Variants in TRIM37 observed in about 807,000 individuals in gnomAD.
TRIM37 encodes E3 ubiquitin-protein ligase TRIM37.
Under a neutral mutation model 129.8 loss-of-function variants are expected in TRIM37, and 80 were observed. The ratio of observed to expected loss-of-function variants is 0.62; its 90% CI spans 0.51 to 0.74. The LOEUF (loss-of-function observed/expected upper bound fraction) is 0.74, where lower values mean the gene tolerates loss of function less well. TRIM37 is among the 30% of genes least tolerant of loss of function. The pLI is 0.00. For synonymous variants in TRIM37, 389 were observed against 387.1 expected, an observed-to-expected ratio of 1.00 and a Z score of -0.06; for missense variants, 1,054 against 1,176.5, an observed-to-expected ratio of 0.90 and a Z score of 1.52.
chr17:59,001,126 C>T (rs746016755), intron 23 of TRIM37, among the ~76,000 whole-genome samples: 2 of 146,254 alleles, frequency 1.4e-5, no homozygotes, highest in South Asian at 4.3e-4. Context: ...ACCCAGGAGG[C>T]GGAGGTTGCA....
chr17:59,017,321 C>T lies in TRIM37; in HGVS notation c.2361G>A (p.Lys787=), dbSNP rs1218976634. ...CTTCAGACAGAGTCTGACAGTCTCC[C>T]TTTGAACGACTATTTTCTCCAGGGT... ...AVDPGENSRS[K]GDCQTLSEGS... Residue 787 remains lysine, a synonymous_variant, in exon 20 of 24, where the codon AAG becomes AAA. Coordinates refer to ENST00000262294, the MANE Select transcript of TRIM37 (RefSeq NM_015294.6). 2 of 1,614,010 alleles carry T rather than the reference C, an allele frequency of 1.2e-6. No individual in the cohort carries two copies. Among genetic ancestry groups the T allele is most frequent in the African/African-American group, 1.3e-5 (1 of 74,906 alleles).
intron 13 of TRIM37, among the ~76,000 whole-genome samples, 189 bp downstream of exon 13, chr17:59,056,686 C>T (rs1373534642): frequency 9.9e-5 from 11 of 110,664 alleles, no homozygotes; most frequent in African/African-American, 2.0e-4. Flanking sequence ...GCCGAGATCG[C>T]GCCAGGGCGA....
At position 59,056,897 on chromosome 17, in the gene TRIM37, G is replaced by C. The variant is rs1382080063; in HGVS notation, c.1177C>G (p.Gln393Glu). Residue 393 changes from glutamine (Q) to glutamate (E), a missense_variant, in exon 13 of 24, where the codon CAA becomes GAA. Transcript: ENST00000262294. ...TACCTTAAAATCACTGTATCATTTT[G>C]TGGATTCAAGTATCCTTCATTTGCG... is the stretch of plus-strand genomic sequence containing the variant. ...LLANEGYLNP[Q>E]NDTVILRFQV... The C allele has an allele frequency of 1.2e-5, 19 of 1,613,406 alleles. No individual in the cohort carries two copies. Among genetic ancestry groups the C allele is most frequent in the Non-Finnish European group, 1.5e-5 (18 of 1,179,840 alleles).
rs1310342776 is a variant in TRIM37, at chr17:59,010,713, G to A, written c.2695+1615C>T. On this transcript the variant is annotated intron_variant, in intron 22 of 23. Coordinates refer to ENST00000262294, the MANE Select transcript of TRIM37 (RefSeq NM_015294.6). ...TCACTATGTTTGCCAGGCTGGTCTC[G>A]AACTCCTGACTTCAAGTGATCCGCC... Among the ~76,000 whole-genome samples the A allele has an allele frequency of 3.9e-5, 6 of 151,944 alleles. No individual in the cohort carries two copies. The East Asian group carries it at 1.2e-3, about 30-fold the overall frequency.
intron 22 of TRIM37, among the ~76,000 whole-genome samples, chr17:59,011,836 C>T (rs1203838952): frequency 6.6e-6 from 1 of 152,146 alleles, no homozygotes; most frequent in Non-Finnish European, 1.5e-5. Flanking sequence ...TTAAGACTGA[C>T]TTTAAAAAAT....
rs1056079034 is a variant in TRIM37 at position 59,027,545 on chromosome 17, C to T, written c.2257+870G>A. Among the ~76,000 whole-genome samples, 3 of 152,220 alleles carry T rather than the reference C, an allele frequency of 2.0e-5. No individual in the cohort carries two copies. The East Asian group carries it at 5.8e-4, about 29-fold the overall frequency. On this transcript the variant is annotated intron_variant, in intron 19 of 23. Transcript: ENST00000262294. Reference sequence around the variant, plus strand: ...CTAGACTGTGAACAAGCCCCTCTATCCATTATTGTAACTCCAGAAAATGCC... The same window carrying T: ...CTAGACTGTGAACAAGCCCCTCTATTCATTATTGTAACTCCAGAAAATGCC...
At chr17:59,028,784 C>A in intron 18 of TRIM37, 61 bp from the exon 19 acceptor site, 1 of 1,572,850 alleles carries the variant, frequency 6.4e-7, no homozygotes. Context: ...ATCATTTGTA[C>A]CATGAATATA....
At chr17:58,984,293 T>C (rs1183381198) in intron 24 of TRIM37, 2 of 152,614 alleles carry the variant, frequency 1.3e-5, no homozygotes, top group East Asian at 3.9e-4. Context: ...CACTCCACTG[T>C]TGAAACACTG....
At chr17:58,974,644 T>A in the TRIM37 span, among the ~76,000 whole-genome samples, 1 of 152,352 alleles carries the variant, frequency 6.6e-6, no homozygotes, top group Non-Finnish European at 1.5e-5. Flanking sequence ...GTACATTACA[T>A]GTATACTGCA....
intron 4 of TRIM37, chr17:59,088,090 A>G (rs371043687): frequency 5.7e-5 from 35 of 614,420 alleles, no homozygotes; most frequent in East Asian, 3.5e-4. Flanking sequence ...CTGTGTATAC[A>G]TGGCATGAAA....
At chr17:59,042,353 C>A (rs1372171644) in intron 16 of TRIM37, among the ~76,000 whole-genome samples, 1 of 132,302 alleles carries the variant, frequency 7.6e-6, no homozygotes, top group Non-Finnish European at 1.6e-5. Flanking sequence ...CCAGCCTGGG[C>A]GACAGAGCGA....
At chr17:59,096,188 G>A (rs557460364) in intron 2 of TRIM37, among the ~76,000 whole-genome samples, 2 of 151,882 alleles carry the variant, frequency 1.3e-5, no homozygotes, top group Non-Finnish European at 2.9e-5. Context: ...CTAGCATACA[G>A]AACTAAATAA....
At chr17:59,057,624 G>A (rs1307075970) in intron 12 of TRIM37, among the ~76,000 whole-genome samples, 1 of 152,202 alleles carries the variant, frequency 6.6e-6, no homozygotes, top group African/African-American at 2.4e-5. Flanking sequence ...CCCAGTTCAA[G>A]TGATTCTGCT....
At chr17:59,056,831 A>C (rs1164556183) in intron 13 of TRIM37, 44 bp downstream of exon 13, 1 of 1,429,104 alleles carries the variant, frequency 7.0e-7, no homozygotes, top group Non-Finnish European at 9.6e-7. Context: ...TGATGATATT[A>C]TTTCCCCACA....
intron 17 of TRIM37, among the ~76,000 whole-genome samples, chr17:59,034,228 G>C (rs2038208907): frequency 6.6e-6 from 1 of 151,978 alleles, no homozygotes; most frequent in African/African-American, 2.4e-5. Flanking sequence ...CCTAATATCT[G>C]ATTCTCCTTT....
At chr17:58,996,810 G>T (rs11652937), downstream of TRIM37, among the ~76,000 whole-genome samples, 5,353 of 82,622 alleles carry the variant, frequency 0.065, 135 homozygotes, top group Middle Eastern at 0.14. Context: ...GTGTGTGTGT[G>T]TGTGTGTGTG....
the TRIM37 span, among the ~76,000 whole-genome samples, chr17:58,975,713 G>A: frequency 6.6e-6 from 1 of 152,140 alleles, no homozygotes; most frequent in Non-Finnish European, 1.5e-5. Context: ...GATTGCAAAG[G>A]GCCTTATGTG....
intron 23 of TRIM37, among the ~76,000 whole-genome samples, chr17:59,001,221 A>G (rs1475475674): frequency 2.0e-5 from 3 of 151,746 alleles, no homozygotes; most frequent in Admixed American, 1.3e-4. Flanking sequence ...AAAAGAAAAA[A>G]AAAACCCACA....
chr17:58,992,104 A>G (rs2032467878), intron 24 of TRIM37, among the ~76,000 whole-genome samples: 1 of 151,864 alleles, frequency 6.6e-6, no homozygotes, highest in Non-Finnish European at 1.5e-5. Context: ...GAACTCAGAA[A>G]TGCACTTATG....
Sources: gnomAD v4.1 joint callset for allele counts (sites outside exome capture counted in the v4.1 genomes callset) on GRCh38, gnomAD v4.1.1 for gene constraint, MANE v1.5 for transcripts, NCBI Gene and HGNC (gene_info 2026-07-23, HGNC 2026-07-21) for gene names.